Variants in RAPGEF2 observed in about 807,000 individuals in gnomAD.
RAPGEF2 encodes PDZ domain containing guanine nucleotide exchange factor (GEF) 1.
A neutral mutation model predicts 186.7 loss-of-function variants in RAPGEF2; 54 were observed. That is an observed-to-expected ratio of 0.29 (90% CI 0.23 to 0.36). The LOEUF is 0.36. Among genes scored for constraint, RAPGEF2 ranks in the 10% least tolerant of loss-of-function variants. The pLI, the probability that RAPGEF2 is intolerant of heterozygous loss-of-function variation, is 1.00. For missense variants in RAPGEF2, 1,532 were observed against 2,045.0 expected (o/e 0.75, Z 4.84); for synonymous variants, 712 against 705.9 (o/e 1.01, Z -0.14).
rs568703670 is a variant in RAPGEF2 at position 159,179,072 on chromosome 4, A to G, written c.70-7570A>G. ...TTCAGTCTACTTTCAAGTAGCATCT[A>G]TTTTGAAAAAAGGATGTCCTTCCTA... On this transcript the variant is annotated intron_variant, in intron 1 of 29. Transcript: ENST00000691494. Among the ~76,000 whole-genome samples, 82 of 152,312 alleles carry G rather than the reference A, an allele frequency of 5.4e-4. No individual in the cohort carries two copies. The South Asian group carries it at 9.9e-3, about 18-fold the overall frequency.
At chr4:159,291,460 T>C (rs1355750463) in intron 7 of RAPGEF2, among the ~76,000 whole-genome samples, 1 of 152,054 alleles carries the variant, frequency 6.6e-6, no homozygotes, top group African/African-American at 2.4e-5. Flanking sequence ...CACACCCGGC[T>C]AATTTTTGTA....
At chr4:159,146,074 G>C (rs1395812756) in intron 1 of RAPGEF2, among the ~76,000 whole-genome samples, 1 of 151,966 alleles carries the variant, frequency 6.6e-6, no homozygotes, top group Non-Finnish European at 1.5e-5. Flanking sequence ...AAGCTTGTCA[G>C]GTTTATGAAA....
chr4:159,280,896 A>G (rs927262427), intron 7 of RAPGEF2, among the ~76,000 whole-genome samples: 1 of 152,178 alleles, frequency 6.6e-6, no homozygotes, highest in Non-Finnish European at 1.5e-5. Flanking sequence ...GTAAAACAAT[A>G]AAGTACTTTA....
At chr4:159,253,952 G>A (rs1003482410) in intron 7 of RAPGEF2, among the ~76,000 whole-genome samples, 4 of 152,090 alleles carry the variant, frequency 2.6e-5, no homozygotes, top group African/African-American at 9.7e-5. Flanking sequence ...CAAAAAAAAA[G>A]AAAATGTTTT....
intron 4 of RAPGEF2, among the ~76,000 whole-genome samples, chr4:159,212,249 C>G (rs75225101): frequency 0.025 from 3,795 of 152,248 alleles, 160 homozygotes; most frequent in African/African-American, 0.087. Flanking sequence ...CTCTTCCACT[C>G]CTTCAGACTC....
chr4:159,203,133 GCA>G (rs1292510370), intron 3 of RAPGEF2, among the ~76,000 whole-genome samples: 2 of 152,082 alleles, frequency 1.3e-5, no homozygotes, highest in Non-Finnish European at 2.9e-5. Flanking sequence ...ATGTGGAGCG[GCA>G]CACACAGCTC....
chr4:159,200,443 G>A (rs1749282603), intron 3 of RAPGEF2, among the ~76,000 whole-genome samples: 1 of 152,090 alleles, frequency 6.6e-6, no homozygotes. Flanking sequence ...ACTCTGGCCT[G>A]GGTGACAGTG....
intron 20 of RAPGEF2, among the ~76,000 whole-genome samples, chr4:159,342,674 T>C (rs975343398): frequency 6.6e-6 from 1 of 151,500 alleles, no homozygotes; most frequent in Non-Finnish European, 1.5e-5. Flanking sequence ...GGCTAAGCAC[T>C]GCTATGTGTA....
Position 159,338,465 on chromosome 4 carries a change from C to G in RAPGEF2, c.2290C>G (p.Pro764Ala). The change falls in exon 18 of 30, where the codon CCT (proline) becomes GCT (alanine). Residue 764 changes from proline (P) to alanine (A), a missense_variant. Coordinates refer to ENST00000691494, the MANE Select transcript of RAPGEF2 (RefSeq NM_001394067.2). ...HHRILDFSAT[P>A]DLPDQVLRVF... ...TCGCATTTTAGACTTCAGTGCTACT[C>G]CTGGTGAGTATCACCAACACTTCTT... is the stretch of plus-strand genomic sequence containing the variant. The G allele has an allele frequency of 6.2e-7, 1 of 1,610,716 alleles. No individual in the cohort carries two copies. The highest frequency in any genetic ancestry group is 8.5e-7 in the Non-Finnish European group (1 of 1,177,614).
chr4:159,357,446 A>G (rs1732194209), intron 29 of RAPGEF2, among the ~76,000 whole-genome samples: 1 of 152,246 alleles, frequency 6.6e-6, no homozygotes, highest in African/African-American at 2.4e-5. Context: ...CGTTCTTTCT[A>G]CAAATCTATC....
intron 6 of RAPGEF2, among the ~76,000 whole-genome samples, chr4:159,242,740 G>T (rs1009822415): frequency 6.6e-6 from 1 of 151,892 alleles, no homozygotes; most frequent in African/African-American, 2.4e-5. Flanking sequence ...TGTTTTTAGG[G>T]TTGATGTAGC....
chr4:159,166,127 A>T (rs961051400), intron 1 of RAPGEF2, among the ~76,000 whole-genome samples: 8 of 152,216 alleles, frequency 5.3e-5, no homozygotes, highest in Admixed American at 3.9e-4. Flanking sequence ...AGCCTGGCCA[A>T]CATGACAAAA....
intron 7 of RAPGEF2, among the ~76,000 whole-genome samples, chr4:159,288,333 A>G (rs2110938940): frequency 6.6e-6 from 1 of 152,330 alleles, no homozygotes; most frequent in South Asian, 2.1e-4. Context: ...TTTGTGATAT[A>G]TACCTAATCA....
At position 159,343,306 on chromosome 4, in the gene RAPGEF2, G is replaced by T. The variant is rs772172021; in HGVS notation, c.3156G>T (p.Leu1052=). The T allele has an allele frequency of 6.8e-6, 11 of 1,613,946 alleles. No individual in the cohort carries two copies. The South Asian group carries it at 1.2e-4, about 18-fold the overall frequency. ...HEGNDSKVDG[L]VNFEKLRMIA... is the part of the protein sequence containing the mutation. ...GAAATGACTCAAAAGTAGACGGGCTGGTCAATTTTGAGAAGCTAAGGATGA... is the reference window on the plus strand; with the variant it reads ...GAAATGACTCAAAAGTAGACGGGCTTGTCAATTTTGAGAAGCTAAGGATGA... The change falls in exon 22 of 30, where the codon CTG becomes CTT. Residue 1052 remains leucine, a synonymous_variant. Coordinates refer to ENST00000691494, the MANE Select transcript of RAPGEF2 (RefSeq NM_001394067.2).
chr4:159,271,640 C>G (rs1454501087), intron 7 of RAPGEF2, among the ~76,000 whole-genome samples: 1 of 152,166 alleles, frequency 6.6e-6, no homozygotes, highest in Admixed American at 6.5e-5. Context: ...GCCTTAACCA[C>G]AGACTTGTAC....
chr4:159,337,517 A>G (rs546259239), intron 17 of RAPGEF2, among the ~76,000 whole-genome samples: 1 of 152,272 alleles, frequency 6.6e-6, no homozygotes, highest in Admixed American at 6.5e-5. Flanking sequence ...TTCCATCAGA[A>G]ACTAGAGCTT....
At chr4:159,207,002 A>C (rs906617422) in intron 3 of RAPGEF2, among the ~76,000 whole-genome samples, 1 of 152,212 alleles carries the variant, frequency 6.6e-6, no homozygotes, top group Non-Finnish European at 1.5e-5. Flanking sequence ...CTTAGAAGGG[A>C]TAGCTCAAAG....
At chr4:159,231,418 C>T (rs1257248146) in intron 4 of RAPGEF2, among the ~76,000 whole-genome samples, 2 of 151,884 alleles carry the variant, frequency 1.3e-5, no homozygotes, top group African/African-American at 2.4e-5. Context: ...AATATATTCT[C>T]ACAAATACAT....
At chr4:159,284,121 G>A (rs1247489886) in intron 7 of RAPGEF2, among the ~76,000 whole-genome samples, 1 of 152,174 alleles carries the variant, frequency 6.6e-6, no homozygotes, top group Admixed American at 6.5e-5. Context: ...TAACATAAAA[G>A]CTCTGAAATC....
Sources: gnomAD v4.1 joint callset for allele counts (sites outside exome capture counted in the v4.1 genomes callset) on GRCh38, gnomAD v4.1.1 for gene constraint, MANE v1.5 for transcripts, NCBI Gene and HGNC (gene_info 2026-07-23, HGNC 2026-07-21) for gene names.